FAM227B: variants seen among roughly 807,000 people sequenced by gnomAD.
The protein encoded by FAM227B is protein FAM227B.
FAM227B carries 88 observed loss-of-function variants against 73.8 expected under a neutral mutation model. The observed-to-expected ratio is 1.19, with a 90% CI of 1.00 to 1.42. The LOEUF is 1.42. Among genes scored for constraint, FAM227B ranks in the 40% most tolerant of loss-of-function variants. The pLI, the probability that FAM227B is intolerant of heterozygous loss-of-function variation, is 0.00. For synonymous variants in FAM227B, 210 were observed against 190.5 expected, an observed-to-expected ratio of 1.10 and a Z score of -0.84; for missense variants, 632 against 590.9, an observed-to-expected ratio of 1.07 and a Z score of -0.72.
intron 9 of FAM227B, among the ~76,000 whole-genome samples, chr15:49,559,090 G>A (rs577793240): frequency 5.2e-4 from 79 of 152,156 alleles, no homozygotes; most frequent in South Asian, 8.3e-4. Flanking sequence ...CAACCTCACT[G>A]TAGTCCAGAG....
Position 49,446,585 on chromosome 15 carries a change from AG to A in FAM227B, c.1012+61625del, listed in dbSNP as rs568635989. On this transcript the variant is annotated intron_variant, in intron 11 of 15. Coordinates refer to ENST00000299338, the MANE Select transcript of FAM227B (RefSeq NM_152647.3). ...AAGGATTGGTTGGAGGATTTCATAGAGGGTAAAGAGCTTTTTTAAAGAAGAG... is the reference window on the plus strand; with the variant it reads ...AAGGATTGGTTGGAGGATTTCATAGAGGTAAAGAGCTTTTTTAAAGAAGAG... 9.0e-4 allele frequency among the ~76,000 whole-genome samples: 137 copies of A among 151,432 alleles called. 5 individuals carry two copies. In the South Asian group the frequency reaches 0.027, roughly 30 times the overall value.
chr15:49,600,700 A>G (rs969402419), intron 3 of FAM227B, among the ~76,000 whole-genome samples: 1 of 150,868 alleles, frequency 6.6e-6, no homozygotes, highest in Non-Finnish European at 1.5e-5. Context: ...TCTGTTGATT[A>G]AAGAATTTAA....
intron 11 of FAM227B, among the ~76,000 whole-genome samples, chr15:49,382,139 A>C (rs1035172307): frequency 2.6e-5 from 4 of 152,094 alleles, no homozygotes; most frequent in Non-Finnish European, 5.9e-5. Context: ...GGGCAAACTT[A>C]TTCTAAAGTG....
chr15:49,498,983 G>A (rs925639141), intron 11 of FAM227B, among the ~76,000 whole-genome samples: 5 of 151,308 alleles, frequency 3.3e-5, no homozygotes, highest in Admixed American at 6.6e-5. Context: ...CGGCTAAAAC[G>A]GTGAAACCCC....
chr15:49,416,712 C>A (rs2049236376), intron 11 of FAM227B, among the ~76,000 whole-genome samples: 2 of 151,914 alleles, frequency 1.3e-5, no homozygotes, highest in African/African-American at 2.4e-5. Flanking sequence ...TATACACCAA[C>A]AGTCAAGCTG....
chr15:49,598,933 G>A (rs942773294), intron 3 of FAM227B, among the ~76,000 whole-genome samples: 11 of 151,956 alleles, frequency 7.2e-5, no homozygotes, highest in African/African-American at 2.7e-4. Flanking sequence ...TGTCCTTGTA[G>A]TATCAGGGTA....
intron 13 of FAM227B, among the ~76,000 whole-genome samples, chr15:49,360,801 C>A (rs1411153681): frequency 6.6e-6 from 1 of 152,056 alleles, no homozygotes; most frequent in Non-Finnish European, 1.5e-5. Flanking sequence ...AACTAGTAAA[C>A]AAGTTTATCA....
intron 12 of FAM227B, 28 bp downstream of exon 12, chr15:49,371,274 A>T: frequency 2.1e-6 from 3 of 1,402,160 alleles, no homozygotes; most frequent in Non-Finnish European, 3.0e-6. Context: ...CAAGTAAGAA[A>T]TTTTTTCATA....
At chr15:49,590,895 T>A (rs536705343) in intron 3 of FAM227B, among the ~76,000 whole-genome samples, 1 of 152,210 alleles carries the variant, frequency 6.6e-6, no homozygotes, top group African/African-American at 2.4e-5. Flanking sequence ...ACATTCCACT[T>A]ATAAGTGAGA....
At chr15:49,396,725 C>T (rs1378025577) in intron 11 of FAM227B, among the ~76,000 whole-genome samples, 4 of 149,170 alleles carry the variant, frequency 2.7e-5, no homozygotes, top group Non-Finnish European at 4.5e-5. Context: ...AGGCACCCCC[C>T]AGCAGGGGCA....
chr15:49,384,573 G>C (rs1312370179), intron 11 of FAM227B, among the ~76,000 whole-genome samples: 1 of 151,940 alleles, frequency 6.6e-6, no homozygotes, highest in Non-Finnish European at 1.5e-5. Flanking sequence ...GGAATTTCAA[G>C]GAATTGGAAA....
rs553090218 is a variant in FAM227B at position 49,459,601 on chromosome 15, T to G, written c.1012+48610A>C. Reference sequence around the variant, plus strand: ...TTTTATCTCTTCAATATTTTGCAAATATTGCTTTTATGTAAATTTATAGAG... The same window carrying G: ...TTTTATCTCTTCAATATTTTGCAAAGATTGCTTTTATGTAAATTTATAGAG... On this transcript the variant is annotated intron_variant, in intron 11 of 15. Coordinates refer to ENST00000299338, the MANE Select transcript of FAM227B (RefSeq NM_152647.3). Among the ~76,000 whole-genome samples, 230 of 152,294 alleles carry G rather than the reference T, an allele frequency of 1.5e-3. 2 individuals carry two copies. The highest frequency in any genetic ancestry group is 9.5e-3 in the South Asian group (46 of 4,826).
At chr15:49,393,403 C>A (rs1352146407) in intron 11 of FAM227B, among the ~76,000 whole-genome samples, 1 of 152,072 alleles carries the variant, frequency 6.6e-6, no homozygotes, top group East Asian at 1.9e-4. Flanking sequence ...AAAATATTTC[C>A]ATCGGAATGT....
In FAM227B at chr15:49,327,209, C is replaced by CCAAT. The variant is rs1303237612; in HGVS notation, c.*1355_*1358dup. 6.6e-6 allele frequency: 1 copy of CCAAT among 152,098 alleles called. No individual in the cohort carries two copies. Among genetic ancestry groups the CCAAT allele is most frequent in the African/African-American group, 2.4e-5 (1 of 41,392 alleles). The allele number at this position is 152,098 out of a possible 1,614,324, so 9.4% of individuals were successfully genotyped here. A position where few individuals can be genotyped will look rare whatever the true frequency, so the allele number is the denominator to read the frequency against. On this transcript the variant is annotated 3_prime_UTR_variant, in exon 16 of 16. Coordinates refer to ENST00000299338, the MANE Select transcript of FAM227B (RefSeq NM_152647.3). ...GGTCCTTTATATAGTTGTTGTCATC[C>CCAAT]CAATCAGATATATCTCATCTGATGT...
At chr15:49,503,914 T>C (rs1453001274) in intron 11 of FAM227B, among the ~76,000 whole-genome samples, 1 of 152,088 alleles carries the variant, frequency 6.6e-6, no homozygotes, top group Non-Finnish European at 1.5e-5. Context: ...GACCCAGCCA[T>C]CCCATTACTG....
At chr15:49,446,989 T>G (rs2052280433) in intron 11 of FAM227B, among the ~76,000 whole-genome samples, 1 of 151,452 alleles carries the variant, frequency 6.6e-6, no homozygotes, top group Non-Finnish European at 1.5e-5. Flanking sequence ...TTTTGACAGG[T>G]ATAACCAGAA....
In FAM227B at chr15:49,615,118, T is replaced by C. The variant is rs1283095462; in HGVS notation, c.51+3A>G. On this transcript the variant is annotated splice_donor_region_variant and intron_variant, in intron 2 of 15. Coordinates refer to ENST00000299338, the MANE Select transcript of FAM227B (RefSeq NM_152647.3). Reference sequence around the variant, plus strand: ...GAACATAAAGCTGTGGAAGCTTCCTTACCCCGGGGCCAGCTCTGCTGCTCC... The same window carrying C: ...GAACATAAAGCTGTGGAAGCTTCCTCACCCCGGGGCCAGCTCTGCTGCTCC... 1.2e-6 allele frequency: 2 copies of C among 1,613,476 alleles called. No individual in the cohort carries two copies. The highest frequency in any genetic ancestry group is 2.2e-5 in the South Asian group (2 of 91,078).
intron 5 of FAM227B, among the ~76,000 whole-genome samples, chr15:49,584,736 C>G (rs969706120): frequency 2.0e-5 from 3 of 152,112 alleles, no homozygotes. Flanking sequence ...AGAGCCAAAT[C>G]AGAAACACAA....
intron 13 of FAM227B, among the ~76,000 whole-genome samples, chr15:49,354,590 G>T (rs985355966): frequency 1.3e-5 from 2 of 152,184 alleles, no homozygotes; most frequent in African/African-American, 2.4e-5. Context: ...TGGCTGGAAG[G>T]GTCCTACGCC....
Sources: gnomAD v4.1 joint callset for allele counts (sites outside exome capture counted in the v4.1 genomes callset) on GRCh38, gnomAD v4.1.1 for gene constraint, MANE v1.5 for transcripts, NCBI Gene and HGNC (gene_info 2026-07-23, HGNC 2026-07-21) for gene names.